UXS1: variants seen among roughly 807,000 people sequenced by gnomAD.
The protein encoded by UXS1 is UDP-glucuronate decarboxylase 1.
In UXS1, 33 loss-of-function variants were observed where a neutral mutation model predicts 62.6. The observed-to-expected ratio is 0.53, with a 90% confidence interval of 0.40 to 0.70. The LOEUF (loss-of-function observed/expected upper bound fraction) is 0.70, where lower values mean the gene tolerates loss of function less well. Ranked by LOEUF, UXS1 falls within the 30% of genes least tolerant of loss-of-function variation. UXS1 has a pLI of 0.00. For synonymous variants in UXS1, 213 were observed against 206.8 expected (o/e 1.03, Z -0.26); for missense variants, 434 against 556.3 (o/e 0.78, Z 2.21).
At chr2:106,104,547 C>T (rs1192791401) in intron 11 of UXS1, among the ~76,000 whole-genome samples, 1 of 152,234 alleles carries the variant, frequency 6.6e-6, no homozygotes, top group Non-Finnish European at 1.5e-5. Context: ...ACTTCACCCA[C>T]ACACCGCTAG....
chr2:106,163,796 C>T, intron 3 of UXS1, 86 bp from the exon 4 acceptor site: 1 of 793,400 alleles, frequency 1.3e-6, no homozygotes, highest in Admixed American at 4.2e-5. Flanking sequence ...TCAGATAAGG[C>T]AAAACAGGTT....
intron 9 of UXS1, among the ~76,000 whole-genome samples, chr2:106,113,975 G>A (rs1322679701): frequency 6.6e-6 from 1 of 152,182 alleles, no homozygotes; most frequent in Non-Finnish European, 1.5e-5. Flanking sequence ...AACACCTTAG[G>A]CTGGCATGGG....
At chr2:106,123,347 T>G (rs1433472286) in intron 8 of UXS1, among the ~76,000 whole-genome samples, 1 of 152,128 alleles carries the variant, frequency 6.6e-6, no homozygotes, top group East Asian at 1.9e-4. Context: ...AAGTCTTCCC[T>G]CTCTTCCGTA....
At chr2:106,166,455 G>C (rs1375340665) in intron 1 of UXS1, 3 of 161,764 alleles carry the variant, frequency 1.9e-5, no homozygotes, top group Non-Finnish European at 1.3e-5. Flanking sequence ...ATTGTTTTTT[G>C]TATCAAAAAT....
At chr2:106,186,298 G>A (rs955178037) in intron 1 of UXS1, among the ~76,000 whole-genome samples, 2 of 152,172 alleles carry the variant, frequency 1.3e-5, no homozygotes, top group Non-Finnish European at 2.9e-5. Flanking sequence ...ACAGTGTCAA[G>A]TGGGACCAGC....
intron 5 of UXS1, among the ~76,000 whole-genome samples, chr2:106,146,772 C>CAAAAAA (rs55896853): frequency 1.4e-3 from 61 of 45,144 alleles, no homozygotes; most frequent in African/African-American, 2.8e-3. Flanking sequence ...GACTCCATCT[C>CAAAAAA]AAAAAAAAAA....
intron 7 of UXS1, among the ~76,000 whole-genome samples, 171 bp downstream of exon 7, chr2:106,129,503 A>G (rs1274139037): frequency 6.6e-6 from 1 of 152,238 alleles, no homozygotes; most frequent in East Asian, 1.9e-4. Context: ...GATGACAAAT[A>G]AAAGTCACAC....
At chr2:106,173,173 C>T (rs750953004) in intron 1 of UXS1, among the ~76,000 whole-genome samples, 12 of 152,200 alleles carry the variant, frequency 7.9e-5, no homozygotes, top group Admixed American at 3.3e-4. Context: ...GGTACTGAGA[C>T]AGACGAACAT....
At chr2:106,139,176 G>C (rs758697119) in intron 6 of UXS1, among the ~76,000 whole-genome samples, 7 of 152,062 alleles carry the variant, frequency 4.6e-5, no homozygotes, top group Non-Finnish European at 1.0e-4. Context: ...AGTCAAAGGG[G>C]GACAGAAAGG....
chr2:106,130,255 G>C (rs900652530), intron 6 of UXS1, among the ~76,000 whole-genome samples: 1 of 152,064 alleles, frequency 6.6e-6, no homozygotes. Flanking sequence ...AGACCATGGC[G>C]AGGGAGGGAG....
At chr2:106,143,859 C>G (rs758169295) in intron 6 of UXS1, among the ~76,000 whole-genome samples, 7 of 152,220 alleles carry the variant, frequency 4.6e-5, no homozygotes, top group Non-Finnish European at 8.8e-5. Context: ...TTCCCTTCTG[C>G]CTGGTCTCCC....
At position 106,194,206 on chromosome 2, in the gene UXS1, G is replaced by A. The variant is rs762734921; in HGVS notation, c.36C>T (p.Ala12=). 3 of 1,472,808 alleles carry A rather than the reference G, an allele frequency of 2.0e-6. No individual in the cohort carries two copies. The highest frequency in any genetic ancestry group is 2.7e-6 in the Non-Finnish European group (3 of 1,109,748). The allele number at this position is 1,472,808 out of a possible 1,614,324, so 91.2% of individuals were successfully genotyped here. A position where few individuals can be genotyped will look rare whatever the true frequency, so the allele number is the denominator to read the frequency against. Residue 12 remains alanine (A), a synonymous_variant, in exon 1 of 15, where the codon GCC becomes GCT. Transcript: ENST00000283148. ...GCAGCTTCATCCTCCTGCGGTTGACGGCAGACACGAGGCGCAGCAGCGCCT... is the reference window on the plus strand; with the variant it reads ...GCAGCTTCATCCTCCTGCGGTTGACAGCAGACACGAGGCGCAGCAGCGCCT... ...VSKALLRLVS[A]VNRRRMKLLL...
At chr2:106,141,877 GT>G (rs931939222) in intron 6 of UXS1, among the ~76,000 whole-genome samples, 6 of 135,704 alleles carry the variant, frequency 4.4e-5, no homozygotes, top group Admixed American at 7.4e-5. Flanking sequence ...TTTTTTTTTG[GT>G]TTTTTTTTTT....
At chr2:106,131,211 G>A (rs1254165206) in intron 6 of UXS1, among the ~76,000 whole-genome samples, 3 of 150,278 alleles carry the variant, frequency 2.0e-5, no homozygotes, top group East Asian at 4.0e-4. Context: ...CTTAAAAAAC[G>A]GCGCACCACG....
chr2:106,096,650 TACAGGACAGCAGAC>T (rs1558668323), intron 14 of UXS1, 54 bp downstream of exon 14: 1 of 1,437,030 alleles, frequency 7.0e-7, no homozygotes, highest in African/African-American at 1.4e-5. Context: ...GGTCAGTGCC[TACAGGACAGCAGAC>T]ACAGGACACG....
chr2:106,130,412 C>A (rs1228341632), intron 6 of UXS1, among the ~76,000 whole-genome samples: 1 of 152,158 alleles, frequency 6.6e-6, no homozygotes, highest in Non-Finnish European at 1.5e-5. Context: ...GCAGAGAAGT[C>A]CTCGGGGACC....
intron 1 of UXS1, among the ~76,000 whole-genome samples, chr2:106,174,201 A>G (rs1401521342): frequency 1.3e-5 from 2 of 152,070 alleles, no homozygotes; most frequent in African/African-American, 2.4e-5. Flanking sequence ...GCCCCAGGAG[A>G]TTCTGTTCAT....
chr2:106,165,267 G>C (rs1683140392), intron 2 of UXS1, among the ~76,000 whole-genome samples: 1 of 152,118 alleles, frequency 6.6e-6, no homozygotes, highest in African/African-American at 2.4e-5. Flanking sequence ...CTGGTGGTAG[G>C]AATCAAATCG....
intron 9 of UXS1, among the ~76,000 whole-genome samples, chr2:106,120,612 AG>A (rs1679447056): frequency 6.6e-6 from 1 of 152,214 alleles, no homozygotes; most frequent in African/African-American, 2.4e-5. Context: ...CAAGAGCCCA[AG>A]TTCCACACTC....
Sources: allele counts gnomAD v4.1 joint callset (sites outside exome capture counted in the v4.1 genomes callset), GRCh38; gene constraint gnomAD v4.1.1; transcripts MANE v1.5; gene names NCBI Gene and HGNC (gene_info 2026-07-23, HGNC 2026-07-21).